Variants in AHCY observed in about 807,000 individuals in gnomAD.
AHCY encodes adenosylhomocysteinase, also known as S-adenosyl-L-homocysteine hydrolase.
AHCY carries 24 observed loss-of-function variants against 45.4 expected under a neutral mutation model. That is an observed-to-expected ratio of 0.53 (90% CI 0.38 to 0.74). The LOEUF is 0.74. AHCY is among the 30% of genes least tolerant of loss of function. The pLI is 0.00. For synonymous variants in AHCY, 245 were observed against 235.1 expected, an observed-to-expected ratio of 1.04 and a Z score of -0.39; for missense variants, 449 against 594.1, an observed-to-expected ratio of 0.76 and a Z score of 2.54.
At chr20:34,273,742 G>A in the AHCY span, among the ~76,000 whole-genome samples, 1 of 152,212 alleles carries the variant, frequency 6.6e-6, no homozygotes, top group Non-Finnish European at 1.5e-5. Flanking sequence ...GAGTAGACGA[G>A]TTACCCTTTC....
At chr20:34,294,260 G>C (rs2036500443) in intron 2 of AHCY, 104 bp from the exon 3 acceptor site, 1 of 1,031,536 alleles carries the variant, frequency 9.7e-7, no homozygotes, top group Non-Finnish European at 1.5e-6. Flanking sequence ...GGAGAGGCTT[G>C]GGATCTAGGC....
At chr20:34,278,518 G>A (rs1238807527), downstream of AHCY, among the ~76,000 whole-genome samples, 3 of 152,184 alleles carry the variant, frequency 2.0e-5, no homozygotes, top group Non-Finnish European at 4.4e-5. Flanking sequence ...AGCCACCCCA[G>A]TAGAAGAACT....
At chr20:34,283,022 G>C (rs1319979376) in intron 9 of AHCY, among the ~76,000 whole-genome samples, 1 of 152,178 alleles carries the variant, frequency 6.6e-6, no homozygotes, top group Non-Finnish European at 1.5e-5. Flanking sequence ...ATGAAGCAAA[G>C]AGCCTGCAGA....
chr20:34,294,050 A>T (rs1336182901), intron 3 of AHCY, 31 bp downstream of exon 3: 2 of 1,610,218 alleles, frequency 1.2e-6, no homozygotes, highest in South Asian at 1.1e-5. Flanking sequence ...CCCTTCACAA[A>T]TTCCACGTCT....
intron 1 of AHCY, among the ~76,000 whole-genome samples, chr20:34,296,792 A>T (rs889433030): frequency 1.3e-5 from 2 of 152,220 alleles, no homozygotes; most frequent in Non-Finnish European, 2.9e-5. Context: ...ACACCCAAAG[A>T]GGTAGGCGGT....
intron 1 of AHCY, among the ~76,000 whole-genome samples, chr20:34,308,716 C>T (rs976424483): frequency 3.4e-4 from 51 of 149,794 alleles, no homozygotes; most frequent in Middle Eastern, 3.5e-3. Flanking sequence ...TGCAGTGGTG[C>T]GATCTCTGTT....
chr20:34,284,952 G>A (rs935168029), intron 9 of AHCY, among the ~76,000 whole-genome samples: 3 of 152,184 alleles, frequency 2.0e-5, no homozygotes, highest in African/African-American at 7.2e-5. Context: ...TGGGTTCCTA[G>A]GTGGCAACCA....
chr20:34,234,948 GTGT>G, the AHCY span: 1 of 152,136 alleles, frequency 6.6e-6, no homozygotes, highest in South Asian at 2.1e-4. Flanking sequence ...ATTTAATCTT[GTGT>G]TGTTTTTTTC....
chr20:34,272,095 AAT>A, the AHCY span, among the ~76,000 whole-genome samples: 1 of 152,040 alleles, frequency 6.6e-6, no homozygotes, highest in East Asian at 1.9e-4. Context: ...CCAAGCGGAC[AAT>A]GTCTTCCAAG....
the AHCY span, among the ~76,000 whole-genome samples, chr20:34,254,030 G>A: frequency 6.6e-6 from 1 of 152,060 alleles, no homozygotes; most frequent in Non-Finnish European, 1.5e-5. Context: ...ACTCATTGCT[G>A]TCAGCATTAT....
intron 1 of AHCY, chr20:34,302,625 G>A (rs569044223): frequency 3.0e-6 from 3 of 985,534 alleles, no homozygotes; most frequent in African/African-American, 3.5e-5. Context: ...CACTTCAATC[G>A]GTGGGACAGC....
the AHCY span, among the ~76,000 whole-genome samples, chr20:34,235,816 A>AGAAAGAAAG: frequency 8.1e-5 from 5 of 61,926 alleles, no homozygotes; most frequent in Non-Finnish European, 1.3e-4. Context: ...AAAGAAAGAA[A>AGAAAGAAAG]GAAAGAAAGA....
the AHCY span, among the ~76,000 whole-genome samples, chr20:34,271,809 C>T: frequency 2.6e-5 from 4 of 152,042 alleles, no homozygotes; most frequent in Non-Finnish European, 5.9e-5. Flanking sequence ...AAACTATCTG[C>T]CCACCTCAGC....
intron 3 of AHCY, chr20:34,293,564 C>G (rs1237338575): frequency 7.8e-6 from 2 of 256,418 alleles, no homozygotes; most frequent in Non-Finnish European, 1.5e-5. Context: ...TGTGCCACCC[C>G]CTCCTGTCCA....
chr20:34,292,522 G>GCA lies in AHCY; in HGVS notation c.296-17_296-16dup, dbSNP rs778704134. On this transcript the variant is annotated splice_polypyrimidine_tract_variant and intron_variant, in intron 3 of 9. Coordinates refer to ENST00000217426, the MANE Select transcript of AHCY (RefSeq NM_000687.4). ...CCAGGCATACACTGGAGGGTGAGTG[G>GCA]CACATCAGGGCCTGGACTTCCCAAC... 1.2e-6 allele frequency: 2 copies of GCA among 1,613,692 alleles called. No individual in the cohort carries two copies. Among genetic ancestry groups the GCA allele is most frequent in the South Asian group, 2.2e-5 (2 of 91,006 alleles).
intron 3 of AHCY, chr20:34,293,615 T>C (rs979046470): frequency 1.3e-5 from 4 of 306,594 alleles, no homozygotes; most frequent in African/African-American, 4.4e-5. Flanking sequence ...TCCTAATCAC[T>C]GGGTCAGATC....
chr20:34,237,906 A>C, the AHCY span, among the ~76,000 whole-genome samples: 1 of 152,132 alleles, frequency 6.6e-6, no homozygotes, highest in Admixed American at 6.6e-5. Context: ...ATCAATTGAG[A>C]TAATCTGATA....
At chr20:34,288,902 G>A (rs2036275138) in intron 8 of AHCY, among the ~76,000 whole-genome samples, 1 of 152,166 alleles carries the variant, frequency 6.6e-6, no homozygotes, top group Non-Finnish European at 1.5e-5. Flanking sequence ...TCATCTTCCA[G>A]TTTCAGTGCC....
At chr20:34,299,713 C>T (rs187656743) in intron 1 of AHCY, among the ~76,000 whole-genome samples, 37 of 152,298 alleles carry the variant, frequency 2.4e-4, no homozygotes, top group African/African-American at 8.2e-4. Flanking sequence ...CCCCCACTAC[C>T]GGTTACTCTC....
Sources: gnomAD v4.1 joint callset for allele counts (sites outside exome capture counted in the v4.1 genomes callset) on GRCh38, gnomAD v4.1.1 for gene constraint, MANE v1.5 for transcripts, NCBI Gene and HGNC (gene_info 2026-07-23, HGNC 2026-07-21) for gene names.